PHF20: variants seen among roughly 807,000 people sequenced by gnomAD.
The protein encoded by PHF20 is PHD finger protein 20.
Under a neutral mutation model 113.5 loss-of-function variants are expected in PHF20, and 23 were observed. The ratio of observed to expected loss-of-function variants is 0.20; its 90% confidence interval spans 0.15 to 0.29. The LOEUF is 0.29. Ranked by LOEUF, PHF20 falls within the 10% of genes least tolerant of loss-of-function variation. The probability of loss-of-function intolerance (pLI) is 1.00; values close to 1 mark genes in which losing one functional copy is unlikely to be tolerated. For missense variants in PHF20, 943 were observed against 1,219.6 expected (o/e 0.77, Z 3.38); for synonymous variants, 434 against 457.3 (o/e 0.95, Z 0.65).
At chr20:35,821,553 G>T (rs572803179) in intron 2 of PHF20, among the ~76,000 whole-genome samples, 1 of 151,790 alleles carries the variant, frequency 6.6e-6, no homozygotes, top group Admixed American at 6.6e-5. Context: ...CAGCTACTTG[G>T]GAGGTTGAAG....
At chr20:35,920,675 A>G (rs191263969) in intron 13 of PHF20, among the ~76,000 whole-genome samples, 3 of 152,278 alleles carry the variant, frequency 2.0e-5, no homozygotes, top group Admixed American at 2.0e-4. Flanking sequence ...TTTGAAACAT[A>G]ATAGTACCAT....
intron 4 of PHF20, among the ~76,000 whole-genome samples, chr20:35,848,327 G>A (rs1020919102): frequency 6.6e-6 from 1 of 151,984 alleles, no homozygotes; most frequent in African/African-American, 2.4e-5. Flanking sequence ...GAGTGCAGTG[G>A]TGCCAGCTCA....
chr20:35,922,331 A>G (rs891801531), intron 13 of PHF20, among the ~76,000 whole-genome samples: 3 of 152,246 alleles, frequency 2.0e-5, no homozygotes, highest in African/African-American at 7.2e-5. Flanking sequence ...AGAGGGAGCT[A>G]GCTAGAACAA....
chr20:35,880,627 A>G (rs2054611096), intron 9 of PHF20, among the ~76,000 whole-genome samples: 1 of 152,186 alleles, frequency 6.6e-6, no homozygotes, highest in Non-Finnish European at 1.5e-5. Context: ...CCCAATTGCT[A>G]GCAATTTACC....
At chr20:35,815,757 G>T (rs1009301422) in intron 2 of PHF20, among the ~76,000 whole-genome samples, 2 of 150,428 alleles carry the variant, frequency 1.3e-5, no homozygotes, top group Non-Finnish European at 3.0e-5. Context: ...CAGCCACCGC[G>T]CCTGGCATGC....
chr20:35,821,357 C>T lies in PHF20; in HGVS notation c.83+19752C>T, dbSNP rs556335700. On this transcript the variant is annotated intron_variant, in intron 2 of 17. Coordinates refer to ENST00000374012, the MANE Select transcript of PHF20 (RefSeq NM_016436.5). The stretch of plus-strand genomic sequence containing the variant: ...AGCTGAGGCAGGAGAATTGCTTGAA[C>T]CCGGGAGGTGGAGGATGCAGTGAGC... Among the ~76,000 whole-genome samples the T allele has an allele frequency of 2.0e-5, 3 of 151,776 alleles. No individual in the cohort carries two copies. In the East Asian group the frequency reaches 5.8e-4, roughly 29 times the overall value.
At position 35,855,852 on chromosome 20, in the gene PHF20, T is replaced by G. The variant is rs118122751; in HGVS notation, c.341-2450T>G. 3.0e-3 allele frequency among the ~76,000 whole-genome samples: 464 copies of G among 152,170 alleles called. 2 individuals are homozygous for G. The highest frequency in any genetic ancestry group is 5.0e-3 in the Non-Finnish European group (343 of 67,990). ...CCATACCTGGCTAATGTTTTTTGCATTTTTTCAGTAGAGACAGGGTTTCAC... is the reference window on the plus strand; with the variant it reads ...CCATACCTGGCTAATGTTTTTTGCAGTTTTTCAGTAGAGACAGGGTTTCAC... On this transcript the variant is annotated intron_variant, in intron 4 of 17. Transcript: ENST00000374012.
intron 9 of PHF20, among the ~76,000 whole-genome samples, chr20:35,875,359 C>T (rs2054501480): frequency 6.7e-6 from 1 of 150,244 alleles, no homozygotes; most frequent in South Asian, 2.1e-4. Flanking sequence ...GATCGCACCA[C>T]TGCACTCCAG....
chr20:35,803,897 C>G (rs2041832505), intron 2 of PHF20, among the ~76,000 whole-genome samples: 1 of 151,910 alleles, frequency 6.6e-6, no homozygotes, highest in Admixed American at 6.6e-5. Context: ...CTCTATTGCT[C>G]AGGCTGGAGT....
intron 2 of PHF20, among the ~76,000 whole-genome samples, chr20:35,808,834 C>T (rs62211719): frequency 0.016 from 2,343 of 151,044 alleles, 32 homozygotes; most frequent in Non-Finnish European, 0.023. Flanking sequence ...GGCCTCCCAA[C>T]GTGCTGGGAT....
In PHF20 at chr20:35,927,736, A is replaced by C. The variant is rs779028259; in HGVS notation, c.2005-44A>C. On this transcript the variant is annotated intron_variant, in intron 13 of 17. Coordinates refer to ENST00000374012, the MANE Select transcript of PHF20 (RefSeq NM_016436.5). ...GGTGGGTCTTACTTTTGGATGGAGA[A>C]CACCTTCTGAGTTTAATTTTTGTTG... is the stretch of plus-strand genomic sequence containing the variant. 6 of 1,468,422 alleles carry C rather than the reference A, an allele frequency of 4.1e-6. No individual in the cohort carries two copies. The Admixed American group carries it at 1.0e-4, about 25-fold the overall frequency. 91.0% of individuals were successfully genotyped at this position (1,468,422 alleles called of 1,614,324 possible). A position where few individuals can be genotyped will look rare whatever the true frequency, so the allele number is the denominator to read the frequency against.
At chr20:35,831,782 G>T (rs116107770) in intron 2 of PHF20, among the ~76,000 whole-genome samples, 1 of 152,186 alleles carries the variant, frequency 6.6e-6, no homozygotes. Context: ...TTATATGGTG[G>T]TCATCTGGTA....
chr20:35,801,585 C>T lies in PHF20; in HGVS notation c.63C>T (p.Ala21=). Residue 21 remains alanine (A), a synonymous_variant, in exon 2 of 18, where the codon GCC becomes GCT. Transcript: ENST00000374012. ...TTGAAGTGGGAGCCCAGTTGGAAGCCCGGGACCGTTTAAAAAACTGGTACT... is the reference window on the plus strand; with the variant it reads ...TTGAAGTGGGAGCCCAGTTGGAAGCTCGGGACCGTTTAAAAAACTGGTACT... The part of the protein sequence containing the change: ...ISFEVGAQLE[A]RDRLKNWYPA... 1 of 1,612,330 alleles carries T rather than the reference C, an allele frequency of 6.2e-7. No individual in the cohort carries two copies. The highest frequency in any genetic ancestry group is 8.5e-7 in the Non-Finnish European group (1 of 1,178,668).
At chr20:35,792,342 C>T (rs991630952) in intron 1 of PHF20, among the ~76,000 whole-genome samples, 1 of 151,622 alleles carries the variant, frequency 6.6e-6, no homozygotes, top group Non-Finnish European at 1.5e-5. Context: ...CACCTGCCAC[C>T]ACGCCCGGCT....
At chr20:35,878,468 CAG>C in intron 9 of PHF20, 3 of 563,630 alleles carry the variant, frequency 5.3e-6, no homozygotes, top group Non-Finnish European at 9.4e-6. Flanking sequence ...TCGACAAACA[CAG>C]ATGTTTCCCT....
intron 14 of PHF20, 22 bp downstream of exon 14, chr20:35,927,901 GAT>G (rs760037382): frequency 6.6e-7 from 1 of 1,512,736 alleles, no homozygotes; most frequent in Non-Finnish European, 9.2e-7. Context: ...TGGAGTCAGG[GAT>G]ATAACAGTAT....
intron 2 of PHF20, among the ~76,000 whole-genome samples, chr20:35,830,695 T>G (rs1220662213): frequency 6.6e-6 from 1 of 152,182 alleles, no homozygotes; most frequent in Non-Finnish European, 1.5e-5. Context: ...AATCCATCAC[T>G]TTATTAATTC....
chr20:35,793,843 C>T (rs1307977869), intron 1 of PHF20, among the ~76,000 whole-genome samples: 4 of 148,828 alleles, frequency 2.7e-5, no homozygotes, highest in East Asian at 4.0e-4. Context: ...ACTAAAAATA[C>T]AAAAATTAGC....
At chr20:35,938,346 A>T (rs1249032301) in intron 15 of PHF20, among the ~76,000 whole-genome samples, 2 of 152,004 alleles carry the variant, frequency 1.3e-5, no homozygotes, top group Non-Finnish European at 2.9e-5. Flanking sequence ...TTAGAATTTT[A>T]TTTTTGGTTT....
Sources: allele counts gnomAD v4.1 joint callset (sites outside exome capture counted in the v4.1 genomes callset), GRCh38; gene constraint gnomAD v4.1.1; transcripts MANE v1.5; gene names NCBI Gene and HGNC (gene_info 2026-07-23, HGNC 2026-07-21).